NUMB: variants seen among roughly 807,000 people sequenced by gnomAD.
NUMB encodes protein numb homolog.
Under a neutral mutation model 59.7 loss-of-function variants are expected in NUMB, and 29 were observed. The ratio of observed to expected loss-of-function variants is 0.49; its 90% confidence interval spans 0.36 to 0.66. NUMB has a LOEUF of 0.66. NUMB is among the 30% of genes least tolerant of loss of function. The pLI is 0.00. For synonymous variants in NUMB, 288 were observed against 288.2 expected (o/e 1.00, Z 0.01); for missense variants, 723 against 822.0 (o/e 0.88, Z 1.47).
At chr14:73,388,869 G>A (rs1420422189) in intron 2 of NUMB, among the ~76,000 whole-genome samples, 4 of 152,046 alleles carry the variant, frequency 2.6e-5, no homozygotes, top group Admixed American at 2.6e-4. Context: ...AGGCCGAGGT[G>A]GGCGGATCAC....
intron 1 of NUMB, among the ~76,000 whole-genome samples, chr14:73,454,991 C>G (rs1884250262): frequency 6.6e-6 from 1 of 152,146 alleles, no homozygotes; most frequent in Non-Finnish European, 1.5e-5. Context: ...AGCTTTCCTT[C>G]TCGAAACTTA....
chr14:73,307,329 G>C (rs1890500195), intron 6 of NUMB, among the ~76,000 whole-genome samples: 1 of 147,518 alleles, frequency 6.8e-6, no homozygotes, highest in Non-Finnish European at 1.5e-5. Flanking sequence ...AAAAAAAATA[G>C]CTAGGAATTG....
At position 73,351,993 on chromosome 14, in the gene NUMB, A is replaced by AAAAAT. The variant is rs775353863; in HGVS notation, c.126+3628_126+3632dup. ...TCTGTCTCAAAAAATAAAATAAAAT[A>AAAAAT]AAAATAAAATAAAATAAAATAAAAT... On this transcript the variant is annotated intron_variant, in intron 4 of 12. Coordinates refer to ENST00000555238, the MANE Select transcript of NUMB (RefSeq NM_001005743.2). 2.5e-3 allele frequency among the ~76,000 whole-genome samples: 386 copies of AAAAAT among 151,636 alleles called. 2 individuals are homozygous for AAAAAT. The highest frequency in any genetic ancestry group is 5.1e-3 in the Admixed American group (78 of 15,230).
chr14:73,295,682 TC>T (rs1338341357), intron 7 of NUMB, among the ~76,000 whole-genome samples: 1 of 152,168 alleles, frequency 6.6e-6, no homozygotes, highest in Non-Finnish European at 1.5e-5. Flanking sequence ...CCAGACTTTC[TC>T]CCCTTTCAGT....
intron 4 of NUMB, among the ~76,000 whole-genome samples, chr14:73,331,812 T>C (rs7156584): frequency 0.84 from 128,182 of 152,104 alleles, 54,855 homozygotes; most frequent in East Asian, 0.99. Flanking sequence ...AGGTGCCTTC[T>C]GCCACGATTG....
At chr14:73,373,109 T>C (rs1307427360) in intron 2 of NUMB, among the ~76,000 whole-genome samples, 1 of 152,148 alleles carries the variant, frequency 6.6e-6, no homozygotes, top group African/African-American at 2.4e-5. Context: ...AGGAAGTATA[T>C]TTCCCATAAA....
At chr14:73,386,864 C>CTTTTTTTTTT (rs1566773800) in intron 2 of NUMB, among the ~76,000 whole-genome samples, 4 of 73,820 alleles carry the variant, frequency 5.4e-5, no homozygotes, top group East Asian at 8.1e-4. Context: ...TATCAGGTGT[C>CTTTTTTTTTT]TTATTTTTTT....
chr14:73,407,944 T>C (rs1453659273), intron 2 of NUMB, among the ~76,000 whole-genome samples: 3 of 152,142 alleles, frequency 2.0e-5, no homozygotes, highest in African/African-American at 7.2e-5. Context: ...CTGAAAAAAC[T>C]TGGCCGGGCG....
At chr14:73,359,162 C>T (rs749133258) in intron 3 of NUMB, among the ~76,000 whole-genome samples, 2 of 152,098 alleles carry the variant, frequency 1.3e-5, no homozygotes, top group South Asian at 2.1e-4. Context: ...TTTGGAAAAA[C>T]GAAAACACAT....
chr14:73,386,258 A>C (rs1318661939), intron 2 of NUMB, among the ~76,000 whole-genome samples: 1 of 152,198 alleles, frequency 6.6e-6, no homozygotes, highest in African/African-American at 2.4e-5. Context: ...CAAAAAACAA[A>C]GAACTTCTGT....
chr14:73,339,993 G>C (rs1032565529), intron 4 of NUMB, among the ~76,000 whole-genome samples: 25 of 150,876 alleles, frequency 1.7e-4, no homozygotes, highest in African/African-American at 5.8e-4. Context: ...GAAGTGGTGG[G>C]GGGGACACAC....
chr14:73,347,563 T>C (rs185564721), intron 4 of NUMB, among the ~76,000 whole-genome samples: 124 of 152,332 alleles, frequency 8.1e-4, no homozygotes, highest in African/African-American at 2.7e-3. Context: ...ATACTCAGGA[T>C]TGCACTGCAA....
chr14:73,448,228 C>A (rs1566802452), intron 1 of NUMB, among the ~76,000 whole-genome samples: 1 of 152,120 alleles, frequency 6.6e-6, no homozygotes, highest in Non-Finnish European at 1.5e-5. Context: ...AAGAATGAAT[C>A]AACTCTTTAA....
intron 1 of NUMB, among the ~76,000 whole-genome samples, chr14:73,453,663 A>G (rs1884148803): frequency 6.7e-6 from 1 of 148,464 alleles, no homozygotes; most frequent in Non-Finnish European, 1.5e-5. Flanking sequence ...GATGGAGTGC[A>G]GTGGCGCGAT....
At chr14:73,357,484 C>T (rs1594945850) in intron 3 of NUMB, among the ~76,000 whole-genome samples, 1 of 149,368 alleles carries the variant, frequency 6.7e-6, no homozygotes. Flanking sequence ...ATGGGCTGGG[C>T]ACAGTGGCTC....
At chr14:73,341,154 T>C (rs1892611992) in intron 4 of NUMB, among the ~76,000 whole-genome samples, 1 of 152,188 alleles carries the variant, frequency 6.6e-6, no homozygotes, top group African/African-American at 2.4e-5. Context: ...AGTGTAAGAA[T>C]GGACTAATAC....
intron 2 of NUMB, among the ~76,000 whole-genome samples, chr14:73,395,954 A>G (rs944173869): frequency 7.9e-5 from 12 of 152,258 alleles, no homozygotes; most frequent in African/African-American, 2.9e-4. Context: ...TGTTTCTTCT[A>G]TATATGGAAA....
Position 73,297,263 on chromosome 14 carries a change from G to GCTTT in NUMB, c.253_256dup (p.Ala86GlufsTer16). The GCTTT allele has an allele frequency of 6.2e-7, 1 of 1,609,686 alleles. No individual in the cohort carries two copies. Among genetic ancestry groups the GCTTT allele is most frequent in the Non-Finnish European group, 8.5e-7 (1 of 1,176,238 alleles). On this transcript the variant is annotated frameshift_variant, in exon 7 of 13. Coordinates refer to ENST00000555238, the MANE Select transcript of NUMB (RefSeq NM_001005743.2). LOFTEE classifies it high-confidence loss of function. The stretch of plus-strand genomic sequence containing the variant: ...TCCATCTGCTGAGACCCACAGAACT[G>GCTTT]CTTTAACTGCTTTCTTTCCAGTCTT...
intron 2 of NUMB, among the ~76,000 whole-genome samples, chr14:73,382,447 C>CA (rs151055012): frequency 0.28 from 37,211 of 132,726 alleles, 4,858 homozygotes; most frequent in African/African-American, 0.3. Flanking sequence ...ATTTTTATAG[C>CA]AAAAAAAAAA....
Sources: allele counts gnomAD v4.1 joint callset (sites outside exome capture counted in the v4.1 genomes callset), GRCh38; gene constraint gnomAD v4.1.1; transcripts MANE v1.5; gene names NCBI Gene and HGNC (gene_info 2026-07-23, HGNC 2026-07-21).